The following GLIS1 variants were observed in gnomAD, a reference collection of about 807,000 sequenced individuals.
GLIS1 encodes zinc finger protein GLIS1.
In GLIS1, 24 loss-of-function variants were observed where a neutral mutation model predicts 63.8. The observed-to-expected ratio is 0.38, with a 90% CI of 0.27 to 0.53. GLIS1 has a LOEUF of 0.53. GLIS1 is among the 20% of genes least tolerant of loss of function. GLIS1 has a pLI of 0.85. For missense variants in GLIS1, 1,036 were observed against 1,074.1 expected, an observed-to-expected ratio of 0.96 and a Z score of 0.50; for synonymous variants, 450 against 482.5, an observed-to-expected ratio of 0.93 and a Z score of 0.88.
chr1:53,644,338 T>C (rs1214235481), intron 2 of GLIS1, among the ~76,000 whole-genome samples: 5 of 152,252 alleles, frequency 3.3e-5, no homozygotes, highest in Non-Finnish European at 7.3e-5. Flanking sequence ...ATAATATTGA[T>C]GAATTTTTCT....
At chr1:53,643,668 T>C (rs1645811471) in intron 2 of GLIS1, among the ~76,000 whole-genome samples, 2 of 152,190 alleles carry the variant, frequency 1.3e-5, no homozygotes, top group African/African-American at 4.8e-5. Context: ...TCTGCCTCAC[T>C]TTCCACACCA....
intron 2 of GLIS1, among the ~76,000 whole-genome samples, chr1:53,609,266 CTTTTTT>C (rs1221426769): frequency 2.5e-5 from 2 of 81,378 alleles, no homozygotes; most frequent in South Asian, 5.3e-4. Flanking sequence ...GGGTTTAAAT[CTTTTTT>C]TTTTTTTTTT....
At chr1:53,556,473 G>A (rs1416521227) in intron 4 of GLIS1, among the ~76,000 whole-genome samples, 2 of 144,396 alleles carry the variant, frequency 1.4e-5, no homozygotes, top group African/African-American at 5.2e-5. Context: ...CTGCAGGTGT[G>A]TGCGTGCAGG....
At chr1:53,556,880 G>T (rs1644839816) in intron 4 of GLIS1, among the ~76,000 whole-genome samples, 1 of 132,744 alleles carries the variant, frequency 7.5e-6, no homozygotes, top group African/African-American at 2.9e-5. Flanking sequence ...TGTGTATGCA[G>T]ATGTGTGTGT....
Position 53,658,739 on chromosome 1 carries a change from AC to A in GLIS1, c.260-58462del, listed in dbSNP as rs1299153369. Among the ~76,000 whole-genome samples the A allele has an allele frequency of 1.9e-3, 284 of 152,222 alleles. 3 individuals carry two copies. Among genetic ancestry groups the A allele is most frequent in the African/African-American group, 6.4e-3 (264 of 41,534 alleles). ...ATGCCTGGCTCCCTGTCAGCCACTC[AC>A]TGCTGCATCCATGGTGCACAGCAGG... On this transcript the variant is annotated intron_variant, in intron 2 of 10. Transcript: ENST00000628545.
At chr1:53,674,995 C>T (rs1044412134) in intron 2 of GLIS1, among the ~76,000 whole-genome samples, 6 of 152,164 alleles carry the variant, frequency 3.9e-5, no homozygotes, top group South Asian at 2.1e-4. Context: ...AGCCCAGGAG[C>T]GGCAGGGACA....
chr1:53,550,496 C>T (rs1368656372), intron 4 of GLIS1, among the ~76,000 whole-genome samples: 1 of 152,220 alleles, frequency 6.6e-6, no homozygotes, highest in African/African-American at 2.4e-5. Context: ...TTCTGGGCTC[C>T]TACCCAAGGC....
intron 4 of GLIS1, among the ~76,000 whole-genome samples, chr1:53,585,664 G>T (rs1471156515): frequency 2.0e-5 from 3 of 152,288 alleles, no homozygotes; most frequent in African/African-American, 7.2e-5. Flanking sequence ...TACATTTGGG[G>T]AGCACATAGC....
intron 2 of GLIS1, among the ~76,000 whole-genome samples, chr1:53,675,882 C>T (rs1409004438): frequency 1.3e-5 from 2 of 151,446 alleles, no homozygotes; most frequent in African/African-American, 2.4e-5. Flanking sequence ...ACAGCGGCTC[C>T]TACCCCACCC....
intron 2 of GLIS1, among the ~76,000 whole-genome samples, chr1:53,714,939 A>G (rs1316946294): frequency 6.6e-6 from 1 of 152,094 alleles, no homozygotes; most frequent in African/African-American, 2.4e-5. Context: ...TTATGTATTT[A>G]TTTACTTGAG....
At position 53,529,286 on chromosome 1, in the gene GLIS1, G is replaced by C. The variant is rs570367397; in HGVS notation, c.1482+505C>G. Among the ~76,000 whole-genome samples, 3 of 152,280 alleles carry C rather than the reference G, an allele frequency of 2.0e-5. No homozygotes were observed. The East Asian group carries it at 5.8e-4, about 29-fold the overall frequency. ...GGAGTCTTAGGCACTGCCCACCTCC[G>C]CTCCTCACCTGCAGGGCTCAACGGA... On this transcript the variant is annotated intron_variant, in intron 5 of 10. Transcript: ENST00000628545.
intron 3 of GLIS1, among the ~76,000 whole-genome samples, chr1:53,597,756 G>A (rs1458800620): frequency 1.3e-5 from 2 of 152,108 alleles, no homozygotes; most frequent in African/African-American, 4.8e-5. Context: ...GAAAGTGTCA[G>A]CTCAAATTCA....
chr1:53,516,622 G>A (rs1644355649), intron 7 of GLIS1, among the ~76,000 whole-genome samples: 2 of 151,964 alleles, frequency 1.3e-5, no homozygotes, highest in Admixed American at 6.6e-5. Context: ...AGACCAGCCT[G>A]GCCAACATGG....
intron 2 of GLIS1, among the ~76,000 whole-genome samples, chr1:53,607,542 G>A (rs944423250): frequency 6.6e-6 from 1 of 152,222 alleles, no homozygotes; most frequent in African/African-American, 2.4e-5. Flanking sequence ...TTCCGTGCCA[G>A]TATTGCTAAA....
At chr1:53,534,473 C>A (rs1329889104) in intron 4 of GLIS1, among the ~76,000 whole-genome samples, 1 of 151,948 alleles carries the variant, frequency 6.6e-6, no homozygotes, top group Non-Finnish European at 1.5e-5. Flanking sequence ...TGGACCCCCA[C>A]TGCAAGGGCT....
Position 53,506,402 on chromosome 1 carries a change from A to G in GLIS1, c.*217T>C, listed in dbSNP as rs1644231593. 5.4e-6 allele frequency: 3 copies of G among 556,314 alleles called. No individual in the cohort carries two copies. Among genetic ancestry groups the G allele is most frequent in the Non-Finnish European group, 9.6e-6 (3 of 313,042 alleles). The allele number at this position is 556,314 out of a possible 1,614,324, so 34.5% of individuals were successfully genotyped here. ...GATCGAGGGAATGTTACAGGGCCAC[A>G]GATCCTGGCGGGCACCTCTGTGCGC... On this transcript the variant is annotated 3_prime_UTR_variant, in exon 11 of 11. Transcript: ENST00000628545.
intron 5 of GLIS1, 145 bp from the exon 6 acceptor site, chr1:53,525,032 G>A: frequency 1.6e-6 from 1 of 637,110 alleles, no homozygotes; most frequent in Non-Finnish European, 2.8e-6. Flanking sequence ...CGGCCCAGCT[G>A]TGGGGAAGGT....
intron 4 of GLIS1, among the ~76,000 whole-genome samples, chr1:53,578,077 G>A (rs1452922533): frequency 6.6e-6 from 1 of 152,140 alleles, no homozygotes; most frequent in African/African-American, 2.4e-5. Flanking sequence ...GGCAAACAGT[G>A]TCACCCTCGG....
intron 4 of GLIS1, among the ~76,000 whole-genome samples, chr1:53,556,215 TGTGTGTGTATGCAGGTGTACTGTAG>T (rs1644822998): frequency 7.1e-6 from 1 of 140,252 alleles, no homozygotes; most frequent in Non-Finnish European, 1.5e-5. Context: ...GTATTGCAGG[TGTGTGTGTATGCAGGTGTACTGTAG>T]GTGTGTGTGT....
Sources: allele counts gnomAD v4.1 joint callset (sites outside exome capture counted in the v4.1 genomes callset), GRCh38; gene constraint gnomAD v4.1.1; transcripts MANE v1.5; gene names NCBI Gene and HGNC (gene_info 2026-07-23, HGNC 2026-07-21).